Variants in PDE1B observed in about 807,000 individuals in gnomAD.
PDE1B encodes the protein phosphodiesterase 1B.
A neutral mutation model predicts 66.7 loss-of-function variants in PDE1B; 13 were observed. That is an observed-to-expected ratio of 0.19 (90% CI 0.13 to 0.31). The LOEUF (loss-of-function observed/expected upper bound fraction) is 0.31, where lower values mean the gene tolerates loss of function less well. PDE1B is among the 10% of genes least tolerant of loss of function. The probability of loss-of-function intolerance (pLI) is 1.00; values close to 1 mark genes in which losing one functional copy is unlikely to be tolerated. For synonymous variants in PDE1B, 230 were observed against 253.9 expected, an observed-to-expected ratio of 0.91 and a Z score of 0.90; for missense variants, 485 against 682.3, an observed-to-expected ratio of 0.71 and a Z score of 3.22.
rs563674517 is a variant in PDE1B, at chr12:54,555,301, G to A, written c.113+5316G>A. On this transcript the variant is annotated intron_variant, in intron 2 of 15. Coordinates refer to ENST00000243052, the MANE Select transcript of PDE1B (RefSeq NM_000924.4). ...TTATCCCAAGTCCCTAGGCCTGAGG[G>A]TATCATCAGTTATACCACATCCTAT... 2.6e-5 allele frequency among the ~76,000 whole-genome samples: 4 copies of A among 152,300 alleles called. No homozygotes were observed. The South Asian group carries it at 8.3e-4, about 32-fold the overall frequency.
Position 54,570,291 on chromosome 12 carries a change from T to A in PDE1B, c.528T>A (p.Asp176Glu). ...FDVFSLNQAA[D>E]DHALRTIVFE... The stretch of plus-strand genomic sequence containing the variant: ...TCTTTTCCTTGAACCAGGCAGCAGA[T>A]GACCATGCCCTGAGGACCATTGTTT... The change falls in exon 6 of 16, where the codon GAT (aspartate) becomes GAA (glutamate). Residue 176 changes from aspartate (D) to glutamate (E), a missense_variant. By Grantham distance (45) the Asp-to-Glu change is conservative (BLOSUM62 2). This residue lies in a region of PDE1B where 282 missense variants were observed against 453.4 expected (regional missense o/e 0.62). Transcript: ENST00000243052. The A allele has an allele frequency of 6.2e-7, 1 of 1,614,002 alleles. No homozygotes were observed. The highest frequency in any genetic ancestry group is 1.1e-5 in the South Asian group (1 of 91,082).
intron 6 of PDE1B, 96 bp downstream of exon 6, chr12:54,570,453 C>G (rs148205808): frequency 2.6e-6 from 2 of 761,218 alleles, no homozygotes; most frequent in African/African-American, 3.4e-5. Context: ...CATAGATCCC[C>G]TCACTCAGTC....
At chr12:54,558,962 C>G (rs1565693353) in intron 2 of PDE1B, among the ~76,000 whole-genome samples, 1 of 152,184 alleles carries the variant, frequency 6.6e-6, no homozygotes, top group African/African-American at 2.4e-5. Flanking sequence ...GTATTATTTA[C>G]CCATTTTACA....
intron 2 of PDE1B, among the ~76,000 whole-genome samples, chr12:54,550,616 G>GT (rs886564881): frequency 6.6e-6 from 1 of 151,748 alleles, no homozygotes; most frequent in South Asian, 2.1e-4. Context: ...CTGGAGGGGG[G>GT]GTTGGAGCCC....
chr12:54,573,886 T>C lies in PDE1B; in HGVS notation c.1064+177T>C. Reference sequence around the variant, plus strand: ...GAGAGAGAGAGTGTGTGTGTGTGTGTGTGTGTGTGTGTGTGTGTGTGTGTG... The same window carrying C: ...GAGAGAGAGAGTGTGTGTGTGTGTGCGTGTGTGTGTGTGTGTGTGTGTGTG... On this transcript the variant is annotated intron_variant, in intron 10 of 15. Transcript: ENST00000243052. This position sits in a 1 kb window ranked among gnomAD's most constrained non-coding sequence, Gnocchi z 5.2. 3.5e-6 allele frequency: 2 copies of C among 576,582 alleles called. No individual in the cohort carries two copies. The highest frequency in any genetic ancestry group is 6.3e-6 in the Non-Finnish European group (2 of 319,740). 35.7% of individuals were successfully genotyped at this position (576,582 alleles called of 1,614,324 possible).
rs1957248715 is a variant in PDE1B, at chr12:54,549,845, C to G, written c.-13-15C>G. 6.4e-7 allele frequency: 1 copy of G among 1,566,774 alleles called. No homozygotes were observed. The highest frequency in any genetic ancestry group is 1.7e-5 in the Admixed American group (1 of 59,642). ...AAGCTGAGCCGAGGTGCTGTCTCCT[C>G]CTTCTGTTCCGTAGACCGTGGCTGA... On this transcript the variant is annotated splice_polypyrimidine_tract_variant and intron_variant, in intron 1 of 15. Transcript: ENST00000243052.
Position 54,566,963 on chromosome 12 carries a change from G to T in PDE1B, c.114-11G>T. 1 of 1,544,254 alleles carries T rather than the reference G, an allele frequency of 6.5e-7. No individual in the cohort carries two copies. Among genetic ancestry groups the T allele is most frequent in the Non-Finnish European group, 8.9e-7 (1 of 1,119,346 alleles). ...GTGCCTAAGCAGCCTCTCTGTATCT[G>T]CTCCCTGCAGGCTGCGCTACATGGT... On this transcript the variant is annotated splice_polypyrimidine_tract_variant and intron_variant, in intron 2 of 15. Transcript: ENST00000243052.
In PDE1B at chr12:54,549,979, G is replaced by A. The variant is rs761218249; in HGVS notation, c.107G>A (p.Arg36Gln). Residue 36 changes from arginine (R) to glutamine (Q), a missense_variant, in exon 2 of 16, where the codon CGG becomes CAG. This residue lies in a region of PDE1B where 74 missense variants were observed against 78.7 expected (regional missense o/e 0.94). Coordinates refer to ENST00000243052, the MANE Select transcript of PDE1B (RefSeq NM_000924.4). ...AGCAAGAAGATGTGGATTAAGCTTC[G>A]GTCTCTGTAAGTCCCCGGCCCGGGA... is the stretch of plus-strand genomic sequence containing the variant. ...APSKKMWIKL[R>Q]SLLRYMVKQL... 6.2e-7 allele frequency: 1 copy of A among 1,614,008 alleles called. No individual in the cohort carries two copies.
intron 2 of PDE1B, among the ~76,000 whole-genome samples, chr12:54,563,173 G>A (rs906671878): frequency 1.3e-5 from 2 of 152,154 alleles, no homozygotes; most frequent in Non-Finnish European, 2.9e-5. Flanking sequence ...CACTGTCAGC[G>A]TCATCAAGAC....
At chr12:54,551,859 C>A in intron 2 of PDE1B, among the ~76,000 whole-genome samples, 1 of 152,188 alleles carries the variant, frequency 6.6e-6, no homozygotes. Context: ...GATGTCCTTA[C>A]ATGAGATTAG....
At chr12:54,561,762 G>C (rs1957418320) in intron 2 of PDE1B, 3 of 153,960 alleles carry the variant, frequency 1.9e-5, no homozygotes, top group Middle Eastern at 1.0e-3. Flanking sequence ...TGTTTTGTGC[G>C]TGTGTGTGTG....
At chr12:54,556,662 G>A (rs1429558548) in intron 2 of PDE1B, among the ~76,000 whole-genome samples, 1 of 152,192 alleles carries the variant, frequency 6.6e-6, no homozygotes, top group Non-Finnish European at 1.5e-5. Flanking sequence ...TTTGGGGTAA[G>A]GCCTGGGGGC....
chr12:54,561,906 G>A (rs957066273), intron 2 of PDE1B, among the ~76,000 whole-genome samples: 10 of 151,732 alleles, frequency 6.6e-5, no homozygotes, highest in Non-Finnish European at 1.5e-4. Flanking sequence ...ACTTATCATT[G>A]TTTCTTCCTT....
chr12:54,557,940 C>G (rs1957362613), intron 2 of PDE1B, among the ~76,000 whole-genome samples: 1 of 152,062 alleles, frequency 6.6e-6, no homozygotes, highest in Non-Finnish European at 1.5e-5. Context: ...CAATTCCTCT[C>G]TCTCTCAAGG....
At chr12:54,570,179 T>C in intron 5 of PDE1B, 62 bp from the exon 6 acceptor site, 1 of 967,248 alleles carries the variant, frequency 1.0e-6, no homozygotes, top group Non-Finnish European at 1.7e-6. Context: ...AAGTCCTTCT[T>C]GAAGTCTAAC....
rs56360853 is a variant in PDE1B at position 54,568,467 on chromosome 12, TACACACACACACAC to T, written c.228-686_228-673del. Among the ~76,000 whole-genome samples the T allele has an allele frequency of 6.9e-3, 980 of 142,772 alleles. 4 individuals are homozygous for T. Among genetic ancestry groups the T allele is most frequent in the Middle Eastern group, 0.029 (8 of 280 alleles). 93.7% of individuals were successfully genotyped at this position (142,772 alleles called of 152,430 possible). On this transcript the variant is annotated intron_variant, in intron 3 of 15. Coordinates refer to ENST00000243052, the MANE Select transcript of PDE1B (RefSeq NM_000924.4). ...GATAAAGTGAGACCCTGTCTAAAAA[TACACACACACACAC>T]ACACACACACACACACACACACACA... is the stretch of plus-strand genomic sequence containing the variant.
At position 54,570,636 on chromosome 12, in the gene PDE1B, T is replaced by C. The variant is rs2121129592; in HGVS notation, c.594+279T>C. ...TTTGCTTTTTTCCCCCAACTTGTCC[T>C]CTCTAGGCTGACTTGCAGTGTGGAC... On this transcript the variant is annotated intron_variant, in intron 6 of 15. Coordinates refer to ENST00000243052, the MANE Select transcript of PDE1B (RefSeq NM_000924.4). The C allele has an allele frequency of 1.3e-5, 5 of 383,592 alleles. No homozygotes were observed. In the South Asian group the frequency reaches 1.6e-4, roughly 12 times the overall value. The allele number at this position is 383,592 out of a possible 1,614,324, so 23.8% of individuals were successfully genotyped here. A position where few individuals can be genotyped will look rare whatever the true frequency, so the allele number is the denominator to read the frequency against.
intron 7 of PDE1B, 81 bp downstream of exon 7, chr12:54,572,822 C>G (rs1957641585): frequency 7.2e-7 from 1 of 1,384,454 alleles, no homozygotes; most frequent in Admixed American, 1.8e-5. Flanking sequence ...ACTCCCATTT[C>G]CATTTCTCCT....
At chr12:54,560,222 G>A (rs577620415) in intron 2 of PDE1B, among the ~76,000 whole-genome samples, 1 of 152,208 alleles carries the variant, frequency 6.6e-6, no homozygotes, top group Admixed American at 6.5e-5. Context: ...AGAAACAGCA[G>A]GTTCCCAAAC....
Sources: gnomAD v4.1 joint callset for allele counts (sites outside exome capture counted in the v4.1 genomes callset) on GRCh38, gnomAD v4.1.1 for gene constraint, gnomAD v4.1.1 regional missense constraint, Gnocchi (gnomAD v3.1) non-coding constraint, MANE v1.5 for transcripts, NCBI Gene and HGNC (gene_info 2026-07-23, HGNC 2026-07-21) for gene names.